DMD: variants seen among roughly 807,000 people sequenced by gnomAD.
DMD encodes mutant dystrophin.
In DMD, 63 loss-of-function variants were observed where a neutral mutation model predicts 330.1. The observed-to-expected ratio is 0.19, with a 90% confidence interval of 0.16 to 0.24. The LOEUF is 0.24. DMD is among the 10% of genes least tolerant of loss of function. DMD has a pLI of 1.00. For synonymous variants in DMD, 1,223 were observed against 959.8 expected (o/e 1.27, Z -5.07); for missense variants, 3,344 against 2,684.1 (o/e 1.25, Z -5.43).
At chrX:32,484,897 C>A (rs1366563474) in intron 21 of DMD, 22 bp downstream of exon 21, 1 of 1,200,330 alleles carries the variant, frequency 8.3e-7, no homozygotes, top group Non-Finnish European at 1.1e-6. Context: ...GTCAAGTTAG[C>A]CATTTTAGGC....
chrX:32,337,749 G>T (rs1030458734), intron 41 of DMD, among the ~76,000 whole-genome samples: 1 of 110,661 alleles, frequency 9.0e-6, no homozygotes, highest in Non-Finnish European at 1.9e-5. Flanking sequence ...CATAGGATAT[G>T]CAATAAGTCT....
rs147267072 is a variant in DMD, at chrX:32,684,116, C to T, written c.960+13754G>A. On this transcript the variant is annotated intron_variant, in intron 9 of 78. Coordinates refer to ENST00000357033, the MANE Select transcript of DMD (RefSeq NM_004006.3). ...GAGGATGAGACTAGGGAAATAGGCA[C>T]AGAGATAAAGTGCTGTTAGAGACAA... 3.1e-3 allele frequency among the ~76,000 whole-genome samples: 336 copies of T among 108,878 alleles called. 3 individuals carry two copies. The highest frequency in any genetic ancestry group is 9.8e-3 in the South Asian group (24 of 2,452). The allele number at this position is 108,878 out of a possible 115,157, so 94.5% of individuals were successfully genotyped here. A position where few individuals can be genotyped will look rare whatever the true frequency, so the allele number is the denominator to read the frequency against.
intron 44 of DMD, among the ~76,000 whole-genome samples, chrX:32,076,525 G>A (rs1346196268): frequency 9.2e-6 from 1 of 108,520 alleles, no homozygotes; most frequent in Non-Finnish European, 1.9e-5. Flanking sequence ...GACTACAGGC[G>A]CCTGCCAGCA....
At chrX:32,807,729 A>G (rs1263846838) in intron 7 of DMD, among the ~76,000 whole-genome samples, 3 of 111,443 alleles carry the variant, frequency 2.7e-5, no homozygotes, top group African/African-American at 6.5e-5. Flanking sequence ...ATAGGTGTAT[A>G]TATTTACCTA....
At chrX:32,938,548 T>C (rs1313380393) in intron 2 of DMD, among the ~76,000 whole-genome samples, 2 of 111,652 alleles carry the variant, frequency 1.8e-5, no homozygotes, top group African/African-American at 3.3e-5. Context: ...CCAAGGCTCA[T>C]TGGGCATCAC....
intron 34 of DMD, among the ~76,000 whole-genome samples, chrX:32,368,291 T>C (rs1260956647): frequency 9.0e-6 from 1 of 110,726 alleles, no homozygotes; most frequent in Non-Finnish European, 1.9e-5. Context: ...TTAAATGCAA[T>C]AAAACAATTT....
intron 59 of DMD, among the ~76,000 whole-genome samples, chrX:31,450,979 C>T (rs2065671666): frequency 9.0e-6 from 1 of 111,479 alleles, no homozygotes; most frequent in South Asian, 3.8e-4. Flanking sequence ...GGAATGGGTG[C>T]ACCAACCCAG....
chrX:31,421,985 A>G (rs1235631082), intron 60 of DMD, among the ~76,000 whole-genome samples: 13 of 72,680 alleles, frequency 1.8e-4, no homozygotes, highest in African/African-American at 2.4e-4. Context: ...ACATATATAT[A>G]TGTATATATA....
intron 1 of DMD, among the ~76,000 whole-genome samples, chrX:33,227,752 C>T (rs1466099311): frequency 9.1e-6 from 1 of 109,624 alleles, no homozygotes; most frequent in African/African-American, 3.3e-5. Context: ...GAGTGGCATC[C>T]TGTTTTGAAT....
chrX:31,482,440 CTT>C (rs1369877607), intron 57 of DMD, among the ~76,000 whole-genome samples: 1 of 111,348 alleles, frequency 9.0e-6, no homozygotes, highest in Non-Finnish European at 1.9e-5. Flanking sequence ...AACAGGATCT[CTT>C]GAGAGATAGA....
At chrX:31,810,305 T>A (rs1603474847) in intron 50 of DMD, among the ~76,000 whole-genome samples, 1 of 111,235 alleles carries the variant, frequency 9.0e-6, no homozygotes, top group African/African-American at 3.3e-5. Context: ...GAGAAACAGC[T>A]GTTTTGTTGC....
At chrX:32,950,289 T>G (rs937247665) in intron 2 of DMD, among the ~76,000 whole-genome samples, 7 of 111,321 alleles carry the variant, frequency 6.3e-5, no homozygotes, top group Non-Finnish European at 1.3e-4. Flanking sequence ...TATCAGCTAT[T>G]TAATTCTCAT....
At chrX:33,040,679 C>A (rs1262890369) in intron 1 of DMD, among the ~76,000 whole-genome samples, 1 of 111,067 alleles carries the variant, frequency 9.0e-6, no homozygotes, top group Non-Finnish European at 1.9e-5. Context: ...CTGACTCAAA[C>A]CCCATACTAG....
chrX:33,190,940 A>G (rs1569558006), intron 1 of DMD, among the ~76,000 whole-genome samples: 130 of 1,422 alleles, frequency 0.091, 37 homozygotes, highest in Admixed American at 0.13. Context: ...ATATATATAT[A>G]TAATATATAA....
intron 20 of DMD, among the ~76,000 whole-genome samples, chrX:32,489,350 G>A (rs895366965): frequency 4.6e-5 from 5 of 109,750 alleles, no homozygotes; most frequent in East Asian, 2.9e-4. Flanking sequence ...GGGTGGCGGG[G>A]TGGGGGGCTA....
Position 31,147,580 on chromosome X carries a change from A to T in DMD, c.10554-62T>A, listed in dbSNP as rs952459414. 4.3e-6 allele frequency: 4 copies of T among 929,264 alleles called. No individual in the cohort carries two copies. The Admixed American group carries it at 1.1e-4, about 26-fold the overall frequency. The allele number at this position is 929,264 out of a possible 1,213,427, so 76.6% of individuals were successfully genotyped here. A position where few individuals can be genotyped will look rare whatever the true frequency, so the allele number is the denominator to read the frequency against. Reference sequence around the variant, plus strand: ...AAAGAAAAAGAAAAAGAAGAAAAAAAGTAATTTGAATATCATCACCAAATT... The same window carrying T: ...AAAGAAAAAGAAAAAGAAGAAAAAATGTAATTTGAATATCATCACCAAATT... On this transcript the variant is annotated intron_variant, in intron 74 of 78. Transcript: ENST00000357033.
At chrX:31,487,454 G>C (rs1377887110) in intron 57 of DMD, among the ~76,000 whole-genome samples, 1 of 110,840 alleles carries the variant, frequency 9.0e-6, no homozygotes, top group Non-Finnish European at 1.9e-5. Context: ...ATTTTTAGTA[G>C]AGATGGGGTT....
At chrX:32,221,601 G>T (rs1569551664) in intron 43 of DMD, among the ~76,000 whole-genome samples, 1 of 110,950 alleles carries the variant, frequency 9.0e-6, no homozygotes, top group Admixed American at 9.6e-5. Flanking sequence ...GTGATTTTTG[G>T]TTACATGAAT....
At chrX:32,499,842 A>G (rs1033348256) in intron 19 of DMD, among the ~76,000 whole-genome samples, 33 of 111,454 alleles carry the variant, frequency 3.0e-4, no homozygotes, top group African/African-American at 1.0e-3. Context: ...TGTCTAGCTT[A>G]TCTCACAATT....
Sources: gnomAD v4.1 joint callset for allele counts (sites outside exome capture counted in the v4.1 genomes callset) on GRCh38, gnomAD v4.1.1 for gene constraint, MANE v1.5 for transcripts, NCBI Gene and HGNC (gene_info 2026-07-23, HGNC 2026-07-21) for gene names.